Variants in CFAP36 observed in about 807,000 individuals in gnomAD.
CFAP36 encodes cilia and flagella associated protein 36, also known as cilia- and flagella-associated protein 36.
Under a neutral mutation model 50.5 loss-of-function variants are expected in CFAP36, and 37 were observed. The ratio of observed to expected loss-of-function variants is 0.73; its 90% confidence interval spans 0.56 to 0.96. The LOEUF is 0.96. CFAP36 is among the 50% of genes least tolerant of loss of function. CFAP36 has a pLI of 0.00. For synonymous variants in CFAP36, 138 were observed against 128.2 expected (o/e 1.08, Z -0.52); for missense variants, 407 against 396.2 (o/e 1.03, Z -0.23).
intron 2 of CFAP36, among the ~76,000 whole-genome samples, chr2:55,522,374 T>C (rs963228856): frequency 6.6e-6 from 1 of 152,230 alleles, no homozygotes; most frequent in Non-Finnish European, 1.5e-5. Flanking sequence ...TAAGGAATGG[T>C]TTTACAACTC....
intron 9 of CFAP36, 102 bp downstream of exon 9, chr2:55,544,471 C>A: frequency 8.6e-7 from 1 of 1,166,484 alleles, no homozygotes; most frequent in Non-Finnish European, 1.2e-6. Context: ...GCTTGCAGAC[C>A]CATTCATATT....
intron 7 of CFAP36, among the ~76,000 whole-genome samples, chr2:55,538,419 T>G (rs1316028764): frequency 6.6e-6 from 1 of 151,378 alleles, no homozygotes; most frequent in Non-Finnish European, 1.5e-5. Context: ...CTTAGCCTCC[T>G]GAGTAGCTGG....
At chr2:55,541,263 G>T (rs1183757485) in intron 7 of CFAP36, among the ~76,000 whole-genome samples, 1 of 152,198 alleles carries the variant, frequency 6.6e-6, no homozygotes, top group Non-Finnish European at 1.5e-5. Flanking sequence ...GGAAGAGGTT[G>T]CAGTGAGCCA....
intron 2 of CFAP36, among the ~76,000 whole-genome samples, 161 bp from the exon 3 acceptor site, chr2:55,523,560 T>A (rs561570096): frequency 6.6e-6 from 1 of 152,242 alleles, no homozygotes; most frequent in Non-Finnish European, 1.5e-5. Context: ...ATATTAACTT[T>A]TAATTTGTGT....
At chr2:55,537,646 T>A in intron 7 of CFAP36, 61 bp downstream of exon 7, 2 of 1,088,804 alleles carry the variant, frequency 1.8e-6, no homozygotes, top group Non-Finnish European at 2.7e-6. Flanking sequence ...CCATATAGAA[T>A]GTGCCACTTT....
intron 7 of CFAP36, among the ~76,000 whole-genome samples, chr2:55,539,866 G>A (rs1684589420): frequency 6.6e-6 from 1 of 152,194 alleles, no homozygotes; most frequent in Non-Finnish European, 1.5e-5. Context: ...CTGATGACAT[G>A]ATGTGGAGCA....
intron 1 of CFAP36, among the ~76,000 whole-genome samples, chr2:55,521,296 TATG>T (rs770063027): frequency 1.3e-5 from 2 of 150,644 alleles, no homozygotes; most frequent in Non-Finnish European, 3.0e-5. Context: ...GTTTTATACA[TATG>T]ATCATTCAGT....
intron 7 of CFAP36, among the ~76,000 whole-genome samples, chr2:55,538,482 T>TG (rs1468687452): frequency 1.3e-5 from 2 of 151,978 alleles, no homozygotes; most frequent in Admixed American, 6.6e-5. Context: ...TTAGTAGAGA[T>TG]GGGGTTTCTA....
At chr2:55,524,154 G>A (rs1684141710) in intron 3 of CFAP36, among the ~76,000 whole-genome samples, 1 of 152,222 alleles carries the variant, frequency 6.6e-6, no homozygotes, top group African/African-American at 2.4e-5. Flanking sequence ...TCCACAGTCA[G>A]TAGTTCCTGC....
intron 4 of CFAP36, chr2:55,531,385 T>G (rs2103648953): frequency 6.6e-6 from 1 of 152,298 alleles, no homozygotes; most frequent in Middle Eastern, 3.4e-3. Flanking sequence ...TAGATTTTAA[T>G]AAAAAGGGAA....
rs1029416792 is a variant in CFAP36, at chr2:55,533,650, G to A, written c.398-223G>A. Among the ~76,000 whole-genome samples the A allele has an allele frequency of 1.5e-3, 227 of 150,470 alleles. 4 individuals are homozygous for A. Among genetic ancestry groups the A allele is most frequent in the Admixed American group, 0.015 (224 of 15,062 alleles). On this transcript the variant is annotated intron_variant, in intron 4 of 9. Transcript: ENST00000349456. ...GCAGAGGTTGCAGTGAGCCCAGATC[G>A]TGCCACTGCACTCCAGCCTGGGCGA...
At position 55,520,979 on chromosome 2, in the gene CFAP36, A is replaced by G. The variant is rs188472859; in HGVS notation, c.115+1063A>G. On this transcript the variant is annotated intron_variant, in intron 1 of 9. Coordinates refer to ENST00000349456, the MANE Select transcript of CFAP36 (RefSeq NM_080667.7). ...TTAATAGGGTTAGAGGGATTCAGCT[A>G]TTCAGCTATCAAATGGTCGGTTATC... Among the ~76,000 whole-genome samples, 141 of 152,356 alleles carry G rather than the reference A, an allele frequency of 9.3e-4. 1 individual carries two copies. The Middle Eastern group carries it at 0.01, about 11-fold the overall frequency.
intron 7 of CFAP36, chr2:55,538,848 TAAATA>T: frequency 6.5e-7 from 1 of 1,528,640 alleles, no homozygotes; most frequent in Non-Finnish European, 8.8e-7. Context: ...CTTCTGACAC[TAAATA>T]TATTCTTCTA....
chr2:55,523,740 G>C lies in CFAP36; in HGVS notation c.200G>C (p.Gly67Ala). ...YKELVEKLLE[G>A]YLKEIGINED... is the part of the protein sequence containing the mutation. ...TTTTAGGTTGAAAAGCTGTTAGAAG[G>C]TTACCTCAAAGAAATTGGAATTAAT... is the stretch of plus-strand genomic sequence containing the variant. The change falls in exon 3 of 10, where the codon GGT becomes GCT. Residue 67 changes from glycine (G) to alanine (A), a missense_variant. Physicochemically the swap from Gly to Ala is moderately conservative, Grantham distance 60. Coordinates refer to ENST00000349456, the MANE Select transcript of CFAP36 (RefSeq NM_080667.7). 1 of 1,604,830 alleles carries C rather than the reference G, an allele frequency of 6.2e-7. No homozygotes were observed. The highest frequency in any genetic ancestry group is 1.1e-5 in the South Asian group (1 of 89,106).
At position 55,522,145 on chromosome 2, in the gene CFAP36, TC is replaced by T; in HGVS notation, c.160del (p.His54IlefsTer7). The T allele has an allele frequency of 1.3e-6, 2 of 1,538,102 alleles. No homozygotes were observed. Among genetic ancestry groups the T allele is most frequent in the Non-Finnish European group, 1.8e-6 (2 of 1,126,040 alleles). On this transcript the variant is annotated frameshift_variant, in exon 2 of 10. Coordinates refer to ENST00000349456, the MANE Select transcript of CFAP36 (RefSeq NM_080667.7). LOFTEE classifies it high-confidence loss of function. ...AAAGCAAATTGACCTATACAGAGATTCATCAGGAATACAAAGAACTAGTGAG... is the reference window on the plus strand; with the variant it reads ...AAAGCAAATTGACCTATACAGAGATTATCAGGAATACAAAGAACTAGTGAG... ...EESKLTYTEIHQEYKELVEKL... is the reference protein window; with the variant it reads ...EESKLTYTEIXQEYKELVEKL...
chr2:55,527,788 C>T (rs890572238), intron 3 of CFAP36, among the ~76,000 whole-genome samples: 1 of 151,944 alleles, frequency 6.6e-6, no homozygotes, highest in Non-Finnish European at 1.5e-5. Flanking sequence ...TGTCTGCTCT[C>T]AGACCACAAC....
At chr2:55,522,393 T>G (rs1280694431) in intron 2 of CFAP36, among the ~76,000 whole-genome samples, 2 of 152,224 alleles carry the variant, frequency 1.3e-5, no homozygotes, top group East Asian at 3.9e-4. Context: ...TCTTTATGGG[T>G]TCTTGCATGT....
intron 2 of CFAP36, 120 bp from the exon 3 acceptor site, chr2:55,523,598 GTAA>G: frequency 3.5e-6 from 2 of 563,480 alleles, no homozygotes; most frequent in Non-Finnish European, 6.4e-6. Flanking sequence ...TCACTGTCAT[GTAA>G]TATGTAGATT....
chr2:55,537,997 A>G (rs1415521014), intron 7 of CFAP36, among the ~76,000 whole-genome samples: 1 of 152,244 alleles, frequency 6.6e-6, no homozygotes, highest in Non-Finnish European at 1.5e-5. Flanking sequence ...GTACAGCTAG[A>G]AAATAAGAGG....
Sources: gnomAD v4.1 joint callset for allele counts (sites outside exome capture counted in the v4.1 genomes callset) on GRCh38, gnomAD v4.1.1 for gene constraint, MANE v1.5 for transcripts, NCBI Gene and HGNC (gene_info 2026-07-23, HGNC 2026-07-21) for gene names.